IL1RAPL1: variants seen among roughly 807,000 people sequenced by gnomAD.
IL1RAPL1 encodes the protein interleukin-1 receptor accessory protein-like 1.
Under a neutral mutation model 48.4 loss-of-function variants are expected in IL1RAPL1, and 3 were observed. The ratio of observed to expected loss-of-function variants is 0.06; its 90% confidence interval spans 0.03 to 0.16. The LOEUF (loss-of-function observed/expected upper bound fraction) is 0.16. Ranked by LOEUF, IL1RAPL1 falls within the 10% of genes least tolerant of loss-of-function variation. The pLI, the probability that IL1RAPL1 is intolerant of heterozygous loss-of-function variation, is 1.00. For synonymous variants in IL1RAPL1, 185 were observed against 187.7 expected (o/e 0.99, Z 0.12); for missense variants, 349 against 530.6 (o/e 0.66, Z 3.36).
chrX:29,594,146 G>T (rs1006641721), intron 5 of IL1RAPL1, among the ~76,000 whole-genome samples: 1 of 112,468 alleles, frequency 8.9e-6, no homozygotes, highest in East Asian at 2.8e-4. Flanking sequence ...AGAGAACAGA[G>T]AATCTGGCTT....
At chrX:29,346,944 A>G (rs755397757) in intron 3 of IL1RAPL1, among the ~76,000 whole-genome samples, 23 of 112,189 alleles carry the variant, frequency 2.1e-4, no homozygotes, top group Non-Finnish European at 3.2e-4. Flanking sequence ...AGCTCATTCC[A>G]TATTTATTGA....
chrX:29,778,363 G>A (rs1041304509), intron 6 of IL1RAPL1, among the ~76,000 whole-genome samples: 7 of 111,146 alleles, frequency 6.3e-5, no homozygotes, highest in Non-Finnish European at 1.1e-4. Flanking sequence ...TGTGTTCTCT[G>A]TGTTTATAGT....
intron 6 of IL1RAPL1, among the ~76,000 whole-genome samples, chrX:29,743,781 C>A (rs1928266524): frequency 8.9e-6 from 1 of 112,100 alleles, no homozygotes; most frequent in Admixed American, 9.5e-5. Flanking sequence ...CCGCACCCGG[C>A]CAAGGTCTTT....
chrX:29,382,792 A>C (rs1466611282), intron 3 of IL1RAPL1, among the ~76,000 whole-genome samples: 1 of 111,901 alleles, frequency 8.9e-6, no homozygotes, highest in African/African-American at 3.2e-5. Context: ...ACTATGAGAC[A>C]AGATTAACTG....
intron 1 of IL1RAPL1, among the ~76,000 whole-genome samples, chrX:28,734,304 A>C (rs1232943887): frequency 1.8e-5 from 2 of 111,515 alleles, no homozygotes; most frequent in Admixed American, 9.6e-5. Flanking sequence ...TTACAAATGA[A>C]AAGTGTTTAC....
chrX:28,755,878 T>G (rs1936099351), intron 1 of IL1RAPL1, among the ~76,000 whole-genome samples: 2 of 111,636 alleles, frequency 1.8e-5, no homozygotes, highest in Non-Finnish European at 3.8e-5. Flanking sequence ...CCTGAGAATT[T>G]CTGATTCAGA....
intron 3 of IL1RAPL1, among the ~76,000 whole-genome samples, chrX:29,303,271 C>T (rs778924500): frequency 1.8e-5 from 2 of 111,242 alleles, no homozygotes; most frequent in African/African-American, 3.3e-5. Context: ...AGTGGTAATC[C>T]GGGGAAGTTT....
At chrX:28,776,718 C>CTA (rs1936366004) in intron 1 of IL1RAPL1, among the ~76,000 whole-genome samples, 1 of 111,603 alleles carries the variant, frequency 9.0e-6, no homozygotes, top group Admixed American at 9.6e-5. Context: ...GAAAGATACT[C>CTA]TAAATAGACA....
chrX:29,535,282 A>G (rs145818280), intron 5 of IL1RAPL1, among the ~76,000 whole-genome samples: 2,857 of 111,256 alleles, frequency 0.026, 43 homozygotes, highest in Non-Finnish European at 0.041. Flanking sequence ...CAGATTAAGT[A>G]AAACTAGGGG....
intron 2 of IL1RAPL1, among the ~76,000 whole-genome samples, chrX:28,814,997 C>G (rs769343238): frequency 9.1e-6 from 1 of 110,153 alleles, no homozygotes; most frequent in African/African-American, 3.3e-5. Flanking sequence ...ACCTATGACA[C>G]TGATATTATT....
At position 29,322,998 on chromosome X, in the gene IL1RAPL1, C is replaced by G. The variant is rs773390300; in HGVS notation, c.362+39781C>G. Among the ~76,000 whole-genome samples the G allele has an allele frequency of 1.5e-4, 17 of 112,058 alleles. No individual in the cohort carries two copies. In the South Asian group the frequency reaches 5.2e-3, roughly 34 times the overall value. ...TTTTAGACCCTCAGATATGAATGCTCTTGCCTTCCCTATATCCTAATGATA... is the reference window on the plus strand; with the variant it reads ...TTTTAGACCCTCAGATATGAATGCTGTTGCCTTCCCTATATCCTAATGATA... On this transcript the variant is annotated intron_variant, in intron 3 of 10. Coordinates refer to ENST00000378993, the MANE Select transcript of IL1RAPL1 (RefSeq NM_014271.4).
chrX:28,736,431 CAA>C (rs34112747), intron 1 of IL1RAPL1, among the ~76,000 whole-genome samples: 2,995 of 89,479 alleles, frequency 0.033, 112 homozygotes, highest in African/African-American at 0.11. Context: ...GAGACTGTCT[CAA>C]AAAAAAAAAA....
chrX:29,174,503 G>A (rs1929969627), intron 2 of IL1RAPL1, among the ~76,000 whole-genome samples: 1 of 112,109 alleles, frequency 8.9e-6, no homozygotes, highest in Non-Finnish European at 1.9e-5. Context: ...TGAAGACACA[G>A]CTAAGTAATA....
At chrX:28,626,326 T>C (rs1934340374) in intron 1 of IL1RAPL1, among the ~76,000 whole-genome samples, 1 of 112,446 alleles carries the variant, frequency 8.9e-6, no homozygotes, top group Non-Finnish European at 1.9e-5. Flanking sequence ...TAGAAAAATA[T>C]GACAAAATCA....
At chrX:29,834,226 A>G (rs1218687001) in intron 6 of IL1RAPL1, among the ~76,000 whole-genome samples, 1 of 112,037 alleles carries the variant, frequency 8.9e-6, no homozygotes, top group Non-Finnish European at 1.9e-5. Context: ...CAGCTTAACA[A>G]TGCATTCTTA....
intron 3 of IL1RAPL1, among the ~76,000 whole-genome samples, chrX:29,374,990 CAT>C (rs759418863): frequency 4.6e-5 from 5 of 108,153 alleles, no homozygotes; most frequent in Admixed American, 1.0e-4. Context: ...TCTATGGCAA[CAT>C]AGCACAGGAG....
At chrX:29,837,693 T>G (rs1931050437) in intron 6 of IL1RAPL1, among the ~76,000 whole-genome samples, 1 of 112,075 alleles carries the variant, frequency 8.9e-6, no homozygotes, top group Non-Finnish European at 1.9e-5. Flanking sequence ...ATTTTCTCAC[T>G]TCCATGATAT....
intron 5 of IL1RAPL1, among the ~76,000 whole-genome samples, chrX:29,544,017 G>A (rs1921527643): frequency 8.9e-6 from 1 of 112,048 alleles, no homozygotes; most frequent in Non-Finnish European, 1.9e-5. Flanking sequence ...TACAATAGCA[G>A]CATTCAAAAG....
rs1006644711 is a variant in IL1RAPL1, at chrX:29,402,642, T to C, written c.703+3334T>C. Among the ~76,000 whole-genome samples, 40 of 111,648 alleles carry C rather than the reference T, an allele frequency of 3.6e-4. 1 individual carries two copies. Among genetic ancestry groups the C allele is most frequent in the Non-Finnish European group, 5.6e-5 (3 of 53,159 alleles). ...TAATGAACTGATTTTGGCACATTAT[T>C]ATTAAATAAAGTCCGTAGTTTATTT... On this transcript the variant is annotated intron_variant, in intron 5 of 10. Coordinates refer to ENST00000378993, the MANE Select transcript of IL1RAPL1 (RefSeq NM_014271.4).
Sources: gnomAD v4.1 joint callset for allele counts (sites outside exome capture counted in the v4.1 genomes callset) on GRCh38, gnomAD v4.1.1 for gene constraint, MANE v1.5 for transcripts, NCBI Gene and HGNC (gene_info 2026-07-23, HGNC 2026-07-21) for gene names.